Variants in LSS observed in about 807,000 individuals in gnomAD.
LSS encodes 2,3-epoxysqualene-lanosterol cyclase.
LSS carries 90 observed loss-of-function variants against 110.3 expected under a neutral mutation model. The observed-to-expected ratio is 0.82, with a 90% CI of 0.69 to 0.97. The LOEUF is 0.97. Among genes scored for constraint, LSS ranks in the 50% least tolerant of loss-of-function variants. The pLI is 0.00. For synonymous variants in LSS, 433 were observed against 400.0 expected, an observed-to-expected ratio of 1.08 and a Z score of -0.98; for missense variants, 927 against 990.0, an observed-to-expected ratio of 0.94 and a Z score of 0.85.
chr21:46,212,289 T>C (rs1025052707), intron 11 of LSS, among the ~76,000 whole-genome samples: 2 of 152,172 alleles, frequency 1.3e-5, no homozygotes, highest in African/African-American at 4.8e-5. Context: ...CCATCCCAAA[T>C]GTGACACCCA....
At chr21:46,201,955 G>A (rs62212862) in intron 17 of LSS, among the ~76,000 whole-genome samples, 42,457 of 149,768 alleles carry the variant, frequency 0.28, 6,849 homozygotes, top group Admixed American at 0.4. Flanking sequence ...CCGCCACCAC[G>A]CCCGGCTAAT....
intron 3 of LSS, among the ~76,000 whole-genome samples, chr21:46,224,220 G>A (rs1012621913): frequency 3.7e-4 from 56 of 152,186 alleles, no homozygotes; most frequent in African/African-American, 1.3e-3. Context: ...CTGCCAGGCA[G>A]GGAAGGGCCC....
intron 17 of LSS, among the ~76,000 whole-genome samples, chr21:46,204,466 A>G (rs961935379): frequency 6.6e-6 from 1 of 152,070 alleles, no homozygotes; most frequent in Admixed American, 6.6e-5. Context: ...GCCATCTAAG[A>G]GGACACTGAA....
rs550071504 is a variant in LSS at position 46,192,506 on chromosome 21, G to A, written c.1989-547C>T. 1.4e-4 allele frequency: 65 copies of A among 455,788 alleles called. 1 individual carries two copies. The highest frequency in any genetic ancestry group is 1.3e-3 in the East Asian group (18 of 14,400). 28.2% of individuals were successfully genotyped at this position (455,788 alleles called of 1,614,324 possible). On this transcript the variant is annotated intron_variant, in intron 20 of 21. Coordinates refer to ENST00000397728, the MANE Select transcript of LSS (RefSeq NM_002340.6). ...TAGGGCAGCACAGACGGGATGTTGC[G>A]GGTGCATCTGTATGTATGTGTGCAC...
At chr21:46,221,702 G>A (rs1432087905) in intron 5 of LSS, 152 bp downstream of exon 5, 4 of 1,137,218 alleles carry the variant, frequency 3.5e-6, no homozygotes, top group Non-Finnish European at 5.0e-6. Context: ...AGGTTAAACA[G>A]TGTCTGCCTA....
chr21:46,223,652 C>T (rs1429155218), intron 3 of LSS, among the ~76,000 whole-genome samples: 1 of 152,218 alleles, frequency 6.6e-6, no homozygotes, highest in African/African-American at 2.4e-5. Flanking sequence ...GTAGTAATTA[C>T]TCTTTATCCC....
At chr21:46,212,113 G>C (rs1398282272) in intron 11 of LSS, among the ~76,000 whole-genome samples, 1 of 152,224 alleles carries the variant, frequency 6.6e-6, no homozygotes, top group Non-Finnish European at 1.5e-5. Flanking sequence ...TCTAGGGCTT[G>C]CTACTCACCT....
At chr21:46,193,179 G>A (rs146892940) in intron 20 of LSS, 5,650 of 451,656 alleles carry the variant, frequency 0.013, 260 homozygotes, top group South Asian at 0.076. Context: ...ATGTACCTAT[G>A]TCTGTGTGTG....
At chr21:46,195,380 T>C (rs1342797176) in intron 19 of LSS, among the ~76,000 whole-genome samples, 1 of 152,140 alleles carries the variant, frequency 6.6e-6, no homozygotes, top group African/African-American at 2.4e-5. Context: ...CAAACCAGTG[T>C]GAGCAACACA....
intron 17 of LSS, among the ~76,000 whole-genome samples, chr21:46,198,939 T>C (rs1270290574): frequency 1.3e-5 from 2 of 150,936 alleles, no homozygotes; most frequent in African/African-American, 4.9e-5. Flanking sequence ...TTAAAAATCC[T>C]AGAATATAAC....
chr21:46,228,051 G>A (rs984274226), intron 2 of LSS, among the ~76,000 whole-genome samples: 43 of 152,362 alleles, frequency 2.8e-4, no homozygotes, highest in Admixed American at 1.9e-3. Context: ...TCCCTCGGTG[G>A]CCGGGGCTCG....
chr21:46,198,829 C>CAAAAAAAAA (rs35148484), intron 17 of LSS, among the ~76,000 whole-genome samples: 7 of 73,436 alleles, frequency 9.5e-5, no homozygotes, highest in Non-Finnish European at 1.5e-4. Flanking sequence ...CATCCACATG[C>CAAAAAAAAA]AAAAAAAAAA....
chr21:46,195,970 G>A (rs891621784), intron 18 of LSS, among the ~76,000 whole-genome samples: 2 of 152,234 alleles, frequency 1.3e-5, no homozygotes, highest in African/African-American at 4.8e-5. Context: ...GCTACAGCGC[G>A]CTCCCAGCAG....
chr21:46,201,995 C>T (rs906126306), intron 17 of LSS, among the ~76,000 whole-genome samples: 12 of 150,716 alleles, frequency 8.0e-5, no homozygotes, highest in South Asian at 4.2e-4. Context: ...AAGGTTTCAC[C>T]GTGTTAGCCA....
chr21:46,204,629 A>AGAAAG (rs1555895288), intron 17 of LSS, among the ~76,000 whole-genome samples: 4 of 151,636 alleles, frequency 2.6e-5, no homozygotes, highest in Non-Finnish European at 5.9e-5. Flanking sequence ...TCTCAAAAAA[A>AGAAAG]AAAGAAAGAA....
intron 9 of LSS, 93 bp downstream of exon 9, chr21:46,215,087 C>T (rs2080182064): frequency 9.7e-7 from 1 of 1,035,118 alleles, no homozygotes; most frequent in Non-Finnish European, 1.5e-6. Flanking sequence ...CTCCAGGAAA[C>T]CCCACTCCCA....
At chr21:46,217,524 A>G (rs913469175) in intron 6 of LSS, among the ~76,000 whole-genome samples, 2 of 151,924 alleles carry the variant, frequency 1.3e-5, no homozygotes, top group Non-Finnish European at 2.9e-5. Context: ...GCCCACTTTC[A>G]CACCCACTTA....
intron 13 of LSS, 65 bp from the exon 14 acceptor site, chr21:46,208,366 G>C (rs557035255): frequency 3.1e-5 from 42 of 1,372,386 alleles, no homozygotes; most frequent in Non-Finnish European, 4.1e-5. Context: ...CCCCATCTGG[G>C]ACATCGCTGA....
chr21:46,222,845 C>A, intron 3 of LSS, 107 bp from the exon 4 acceptor site: 1 of 775,604 alleles, frequency 1.3e-6, no homozygotes, highest in Non-Finnish European at 2.1e-6. Context: ...CTACCTCCTT[C>A]TCATAAAAAC....
Sources: allele counts gnomAD v4.1 joint callset (sites outside exome capture counted in the v4.1 genomes callset), GRCh38; gene constraint gnomAD v4.1.1; transcripts MANE v1.5; gene names NCBI Gene and HGNC (gene_info 2026-07-23, HGNC 2026-07-21).